The following MRM1 variants were observed in gnomAD, a reference collection of about 807,000 sequenced individuals.
MRM1 encodes rRNA methyltransferase 1, mitochondrial.
MRM1 carries 24 observed loss-of-function variants against 25.0 expected under a neutral mutation model. The ratio of observed to expected loss-of-function variants is 0.96; its 90% CI spans 0.69 to 1.35. MRM1 has a LOEUF of 1.35. Among genes scored for constraint, MRM1 ranks in the 40% most tolerant of loss-of-function variants. The pLI is 0.00. For missense variants in MRM1, 431 were observed against 464.1 expected (o/e 0.93, Z 0.65); for synonymous variants, 188 against 199.2 (o/e 0.94, Z 0.47).
At chr17:36,625,547 C>T in the MRM1 span, among the ~76,000 whole-genome samples, 7 of 145,646 alleles carry the variant, frequency 4.8e-5, no homozygotes, top group East Asian at 2.0e-4. Flanking sequence ...CTGCAAACTC[C>T]GCCTCCTGGG....
the MRM1 span, among the ~76,000 whole-genome samples, chr17:36,630,202 T>C: frequency 6.6e-6 from 1 of 152,200 alleles, no homozygotes; most frequent in Non-Finnish European, 1.5e-5. Context: ...TCTTGCATTA[T>C]TTCCCTGCCT....
At chr17:36,618,633 A>G in the MRM1 span, among the ~76,000 whole-genome samples, 19 of 152,172 alleles carry the variant, frequency 1.2e-4, no homozygotes, top group Admixed American at 4.6e-4. Flanking sequence ...TCACGGAAAT[A>G]GAGGCTGGGT....
chr17:36,609,539 G>A (rs373170501), downstream of MRM1, among the ~76,000 whole-genome samples: 3 of 152,282 alleles, frequency 2.0e-5, no homozygotes, highest in African/African-American at 7.2e-5. Context: ...CGACCTATAC[G>A]CACTAGATGC....
the MRM1 span, among the ~76,000 whole-genome samples, chr17:36,628,711 C>T: frequency 6.6e-6 from 1 of 152,180 alleles, no homozygotes; most frequent in Non-Finnish European, 1.5e-5. Context: ...TGATAAGCAG[C>T]TGACACTTTG....
chr17:36,603,192 G>T (rs2074897124), intron 2 of MRM1: 1 of 977,196 alleles, frequency 1.0e-6, no homozygotes. Context: ...CACCCCAACT[G>T]CAGGGTGAGA....
chr17:36,613,423 G>T (rs1013171944), downstream of MRM1, among the ~76,000 whole-genome samples: 8 of 152,120 alleles, frequency 5.3e-5, no homozygotes, highest in Admixed American at 5.2e-4. Context: ...ACAAACATGG[G>T]GCTCCACTGC....
the MRM1 span, among the ~76,000 whole-genome samples, chr17:36,621,208 C>G: frequency 0.015 from 2,341 of 152,240 alleles, 63 homozygotes; most frequent in African/African-American, 0.052. Flanking sequence ...AAGCCAGCCA[C>G]ACCCCCAACA....
chr17:36,628,914 A>G, the MRM1 span, among the ~76,000 whole-genome samples: 11 of 152,020 alleles, frequency 7.2e-5, no homozygotes, highest in Non-Finnish European at 1.3e-4. Context: ...CAGGCTGATC[A>G]AGGATGGAGA....
chr17:36,615,759 G>T, the MRM1 span, among the ~76,000 whole-genome samples: 2 of 152,108 alleles, frequency 1.3e-5, no homozygotes, highest in Non-Finnish European at 2.9e-5. Context: ...ACTTTGGGAG[G>T]CCGAGGCAGG....
At chr17:36,623,461 G>A in the MRM1 span, among the ~76,000 whole-genome samples, 1 of 152,212 alleles carries the variant, frequency 6.6e-6, no homozygotes, top group East Asian at 1.9e-4. Flanking sequence ...TGTGCTCGAG[G>A]TTTCTGGGCT....
At chr17:36,627,068 C>G in the MRM1 span, among the ~76,000 whole-genome samples, 1 of 152,212 alleles carries the variant, frequency 6.6e-6, no homozygotes, top group African/African-American at 2.4e-5. Context: ...TATTGTAGGA[C>G]AGAATGAGAT....
chr17:36,604,491 A>C (rs1219097894), intron 2 of MRM1, among the ~76,000 whole-genome samples: 1 of 152,054 alleles, frequency 6.6e-6, no homozygotes. Context: ...TAGTCCTCGG[A>C]TCTCTTTTGT....
At chr17:36,608,079 C>A in intron 4 of MRM1, 61 bp downstream of exon 4, 1 of 1,566,674 alleles carries the variant, frequency 6.4e-7, no homozygotes, top group Non-Finnish European at 8.7e-7. Context: ...GGATTTGATG[C>A]CCTCTAATCC....
the MRM1 span, among the ~76,000 whole-genome samples, chr17:36,627,310 C>T: frequency 1.3e-5 from 2 of 152,236 alleles, no homozygotes; most frequent in African/African-American, 2.4e-5. Flanking sequence ...ACCATGGCAA[C>T]GTGGCCCAGC....
the MRM1 span, among the ~76,000 whole-genome samples, chr17:36,621,253 C>G: frequency 6.6e-6 from 1 of 152,126 alleles, no homozygotes; most frequent in Admixed American, 6.5e-5. Flanking sequence ...ATGGCTTGGT[C>G]CCTGCCAGCC....
In MRM1 at chr17:36,602,155, C is replaced by T; in HGVS notation, c.345C>T (p.Val115=). 6.2e-7 allele frequency: 1 copy of T among 1,613,118 alleles called. No individual in the cohort carries two copies. Among genetic ancestry groups the T allele is most frequent in the Non-Finnish European group, 8.5e-7 (1 of 1,179,714 alleles). ...TGGACACAATGTGCCGCTACCAGGT[C>T]CACCAGGGTGTCTGCATGGAGGTGA... ...QKLDTMCRYQ[V]HQGVCMEVSP... Residue 115 remains valine (V), a synonymous_variant, in exon 1 of 5, where the codon GTC becomes GTT. Coordinates refer to ENST00000614766, the MANE Select transcript of MRM1 (RefSeq NM_024864.5). The surrounding 1 kb of genome is among the most constrained non-coding windows in gnomAD (Gnocchi z 4.1).
chr17:36,602,785 G>C lies in MRM1; in HGVS notation c.636+139G>C. The C allele has an allele frequency of 8.0e-7, 1 of 1,247,448 alleles. No individual in the cohort carries two copies. Among genetic ancestry groups the C allele is most frequent in the Admixed American group, 2.3e-5 (1 of 44,076 alleles). The allele number at this position is 1,247,448 out of a possible 1,614,324, so 77.3% of individuals were successfully genotyped here. On this transcript the variant is annotated intron_variant, in intron 2 of 4. Transcript: ENST00000614766. The surrounding 1 kb of genome is among the most constrained non-coding windows in gnomAD (Gnocchi z 4.1). ...TGGCCTTCTAAATCCCTCTGGGGAT[G>C]GAAGGGTCCTGGAGTTTTTAAAACG...
the MRM1 span, among the ~76,000 whole-genome samples, chr17:36,630,421 C>T: frequency 6.6e-6 from 1 of 152,168 alleles, no homozygotes; most frequent in African/African-American, 2.4e-5. Flanking sequence ...CGCTCTTTGT[C>T]TCGTCCGTTG....
rs553952416 is a variant in MRM1, at chr17:36,601,705, G to C, written c.-106G>C. Reference sequence around the variant, plus strand: ...AGAGAGCTCGGCGGAGACGGCTGTCGAGTACCCTTCACCTCGGTGTTGGGA... The same window carrying C: ...AGAGAGCTCGGCGGAGACGGCTGTCCAGTACCCTTCACCTCGGTGTTGGGA... On this transcript the variant is annotated 5_prime_UTR_variant, in exon 1 of 5. Coordinates refer to ENST00000614766, the MANE Select transcript of MRM1 (RefSeq NM_024864.5). 5.8e-5 allele frequency: 70 copies of C among 1,216,620 alleles called. No individual in the cohort carries two copies. In the African/African-American group the frequency reaches 1.0e-3, roughly 18 times the overall value. The allele number at this position is 1,216,620 out of a possible 1,614,324, so 75.4% of individuals were successfully genotyped here.
Sources: gnomAD v4.1 joint callset for allele counts (sites outside exome capture counted in the v4.1 genomes callset) on GRCh38, gnomAD v4.1.1 for gene constraint, Gnocchi (gnomAD v3.1) non-coding constraint, MANE v1.5 for transcripts, NCBI Gene and HGNC (gene_info 2026-07-23, HGNC 2026-07-21) for gene names.